Variants in ZNF569 observed in about 807,000 individuals in gnomAD.
ZNF569 encodes zinc finger protein 569.
A neutral mutation model predicts 56.3 loss-of-function variants in ZNF569; 38 were observed. The ratio of observed to expected loss-of-function variants is 0.68; its 90% confidence interval spans 0.52 to 0.88. The LOEUF (loss-of-function observed/expected upper bound fraction) is 0.88, where lower values mean the gene tolerates loss of function less well. Among genes scored for constraint, ZNF569 ranks in the 40% least tolerant of loss-of-function variants. The pLI is 0.00. For synonymous variants in ZNF569, 241 were observed against 262.9 expected (o/e 0.92, Z 0.81); for missense variants, 666 against 809.2 (o/e 0.82, Z 2.15).
chr19:37,456,882 C>T (rs751640586), intron 2 of ZNF569, among the ~76,000 whole-genome samples: 1 of 151,538 alleles, frequency 6.6e-6, no homozygotes, highest in African/African-American at 2.4e-5. Flanking sequence ...GCAGGAGAAT[C>T]GCTTGAACCC....
intron 2 of ZNF569, among the ~76,000 whole-genome samples, chr19:37,453,557 T>C (rs1434630575): frequency 1.3e-5 from 2 of 152,232 alleles, no homozygotes; most frequent in African/African-American, 4.8e-5. Flanking sequence ...TCTCTGATAA[T>C]AGATCTGCTA....
chr19:37,460,773 A>G (rs559969864), intron 2 of ZNF569, among the ~76,000 whole-genome samples: 1 of 152,140 alleles, frequency 6.6e-6, no homozygotes, highest in African/African-American at 2.4e-5. Flanking sequence ...CTCAAAAAAA[A>G]AAAAAAGTCA....
At chr19:37,452,588 ATTG>A (rs1384156542) in intron 2 of ZNF569, among the ~76,000 whole-genome samples, 2 of 151,448 alleles carry the variant, frequency 1.3e-5, no homozygotes, top group Non-Finnish European at 2.9e-5. Context: ...TTTTTTTGTT[ATTG>A]TTGTTTGTTT....
upstream of ZNF569, chr19:37,467,536 C>CA (rs2146992127): frequency 3.2e-6 from 1 of 308,140 alleles, no homozygotes; most frequent in South Asian, 8.7e-5. Context: ...GCTGGAGCTG[C>CA]AGGTTCGCAA....
chr19:37,446,468 T>G (rs1600332540), intron 2 of ZNF569, among the ~76,000 whole-genome samples: 1 of 147,388 alleles, frequency 6.8e-6, no homozygotes, highest in African/African-American at 2.5e-5. Flanking sequence ...GAGAATGGCG[T>G]GAACCTGAGA....
Position 37,413,958 on chromosome 19 carries a change from T to C in ZNF569, c.700A>G (p.Lys234Glu). Residue 234 changes from lysine (K) to glutamate (E), a missense_variant, in exon 6 of 6, where the codon AAA becomes GAA. Coordinates refer to ENST00000316950, the MANE Select transcript of ZNF569 (RefSeq NM_152484.3). ...TAAGACTGCTCCCTACTGTGAATTT[T>C]ATAATGTTTAATAAGTTTTTCCTTG... ...SHKEKLIKHY[K>E]IHSREQSYKC... 6.2e-7 allele frequency: 1 copy of C among 1,613,572 alleles called. No homozygotes were observed. Among genetic ancestry groups the C allele is most frequent in the Non-Finnish European group, 8.5e-7 (1 of 1,179,934 alleles).
At chr19:37,428,546 G>C (rs1003368726) in intron 3 of ZNF569, among the ~76,000 whole-genome samples, 3 of 133,124 alleles carry the variant, frequency 2.3e-5, no homozygotes, top group Admixed American at 2.2e-4. Context: ...AAAAAAAAAA[G>C]CTGATAGTTT....
chr19:37,425,716 TG>T (rs1386317311), intron 5 of ZNF569, 151 bp downstream of exon 5: 4 of 580,022 alleles, frequency 6.9e-6, no homozygotes, highest in Non-Finnish European at 1.2e-5. Flanking sequence ...CCTTCCACCT[TG>T]GCTTCCCAAA....
At chr19:37,439,689 A>C (rs1229435561) in intron 3 of ZNF569, among the ~76,000 whole-genome samples, 2 of 152,226 alleles carry the variant, frequency 1.3e-5, no homozygotes, top group East Asian at 3.9e-4. Context: ...GGATAAAGAA[A>C]ATGTGATACA....
intron 5 of ZNF569, among the ~76,000 whole-genome samples, chr19:37,425,165 T>A (rs562974420): frequency 9.2e-5 from 14 of 151,834 alleles, no homozygotes; most frequent in East Asian, 1.9e-4. Context: ...ATATATATAT[T>A]TTTTGAGACA....
chr19:37,414,875 T>C (rs1015056012), intron 5 of ZNF569, among the ~76,000 whole-genome samples: 1 of 152,002 alleles, frequency 6.6e-6, no homozygotes, highest in Non-Finnish European at 1.5e-5. Context: ...AAAAAACTTA[T>C]CTAAACCAAT....
intron 3 of ZNF569, among the ~76,000 whole-genome samples, chr19:37,443,130 C>T (rs1436367440): frequency 6.6e-6 from 1 of 152,138 alleles, no homozygotes; most frequent in East Asian, 1.9e-4. Context: ...GCAGATAACC[C>T]GAGGTCAGGA....
intron 2 of ZNF569, among the ~76,000 whole-genome samples, chr19:37,451,866 C>G (rs1352251488): frequency 6.6e-6 from 1 of 152,128 alleles, no homozygotes; most frequent in Non-Finnish European, 1.5e-5. Flanking sequence ...ATAGTTGGGT[C>G]TTGTTTATAT....
chr19:37,424,524 G>A (rs1050858421), intron 5 of ZNF569, among the ~76,000 whole-genome samples: 1 of 151,978 alleles, frequency 6.6e-6, no homozygotes, highest in Non-Finnish European at 1.5e-5. Context: ...CTACAAAAGT[G>A]TACATCAGGC....
intron 2 of ZNF569, among the ~76,000 whole-genome samples, chr19:37,463,944 G>A (rs2041792779): frequency 6.6e-6 from 1 of 151,942 alleles, no homozygotes; most frequent in Admixed American, 6.5e-5. Context: ...TGTGTTTTAA[G>A]TTAAGTATTA....
intron 1 of ZNF569, among the ~76,000 whole-genome samples, chr19:37,466,079 T>G (rs1352707645): frequency 6.6e-6 from 1 of 152,238 alleles, no homozygotes; most frequent in Non-Finnish European, 1.5e-5. Flanking sequence ...TGTATACGTA[T>G]GTATACACAA....
upstream of ZNF569, chr19:37,468,069 G>T: frequency 3.0e-6 from 2 of 668,748 alleles, no homozygotes; most frequent in East Asian, 3.0e-5. Flanking sequence ...TATGCCTTTC[G>T]TGTTTTTTTT....
chr19:37,413,168 T>C lies in ZNF569; in HGVS notation c.1490A>G (p.Asn497Ser), dbSNP rs1418367292. 7 of 1,607,240 alleles carry C rather than the reference T, an allele frequency of 4.4e-6. No individual in the cohort carries two copies. The highest frequency in any genetic ancestry group is 5.9e-6 in the Non-Finnish European group (7 of 1,177,700). ...TTGGCTGAAGGCTTTACCACATTCA[T>C]TGCATTCATAGGGTTTCTCTCCAGA... ...IHSGEKPYEC[N>S]ECGKAFSQKQ... Residue 497 changes from asparagine to serine, a missense_variant, in exon 6 of 6, where the codon AAT (asparagine) becomes AGT (serine). Physicochemically the swap from Asn to Ser is conservative, Grantham distance 46. Transcript: ENST00000316950.
intron 3 of ZNF569, among the ~76,000 whole-genome samples, chr19:37,439,428 A>T (rs2041367558): frequency 6.6e-6 from 1 of 152,190 alleles, no homozygotes; most frequent in Non-Finnish European, 1.5e-5. Context: ...GGATGTGGAG[A>T]AAAGGGAACC....
Sources: gnomAD v4.1 joint callset for allele counts (sites outside exome capture counted in the v4.1 genomes callset) on GRCh38, gnomAD v4.1.1 for gene constraint, MANE v1.5 for transcripts, NCBI Gene and HGNC (gene_info 2026-07-23, HGNC 2026-07-21) for gene names.